The following TDRD9 variants were observed in gnomAD, a reference collection of about 807,000 sequenced individuals.
The protein encoded by TDRD9 is ATP-dependent RNA helicase TDRD9.
In TDRD9, 124 loss-of-function variants were observed where a neutral mutation model predicts 172.6. The observed-to-expected ratio is 0.72, with a 90% CI of 0.62 to 0.83. The LOEUF (loss-of-function observed/expected upper bound fraction) is 0.83. Among genes scored for constraint, TDRD9 ranks in the 40% least tolerant of loss-of-function variants. The pLI, the probability that TDRD9 is intolerant of heterozygous loss-of-function variation, is 0.00. For missense variants in TDRD9, 1,479 were observed against 1,714.1 expected, an observed-to-expected ratio of 0.86 and a Z score of 2.42; for synonymous variants, 619 against 617.1, an observed-to-expected ratio of 1.00 and a Z score of -0.05.
At chr14:103,952,218 ATATTTTT>A (rs2031951946) in intron 1 of TDRD9, among the ~76,000 whole-genome samples, 6 of 44,094 alleles carry the variant, frequency 1.4e-4, no homozygotes, top group Admixed American at 3.6e-4. Flanking sequence ...ATATATATAT[ATATTTTT>A]TTTTTTTTTT....
intron 29 of TDRD9, 117 bp from the exon 30 acceptor site, chr14:104,031,900 A>T: frequency 1.5e-6 from 1 of 682,118 alleles, no homozygotes; most frequent in Non-Finnish European, 2.4e-6. Context: ...TAAAGACATT[A>T]TGAATGAGAT....
intron 1 of TDRD9, among the ~76,000 whole-genome samples, chr14:103,948,770 C>G (rs1435472571): frequency 6.6e-6 from 1 of 151,228 alleles, no homozygotes; most frequent in African/African-American, 2.4e-5. Flanking sequence ...ACTTAGGAGG[C>G]TGAGATGGGA....
At chr14:103,941,258 A>G in intron 1 of TDRD9, 1 of 945,082 alleles carries the variant, frequency 1.1e-6, no homozygotes, top group Non-Finnish European at 1.5e-6. Context: ...AGAAATTTTA[A>G]ATGTAATTTA....
At chr14:103,999,642 G>GTCATTTAATCTTTTCATCTTCCT (rs2034185928) in intron 13 of TDRD9, among the ~76,000 whole-genome samples, 1 of 125,956 alleles carries the variant, frequency 7.9e-6, no homozygotes, top group Non-Finnish European at 1.7e-5. Context: ...TTGTTTTTTA[G>GTCATTTAATCTTTTCATCTTCCT]AAAACCTTTT....
chr14:104,025,956 T>C (rs2035103617), intron 26 of TDRD9, 91 bp from the exon 27 acceptor site: 14 of 1,011,286 alleles, frequency 1.4e-5, no homozygotes, highest in South Asian at 4.4e-5. Context: ...TCTATAATTA[T>C]AGGATTAGAG....
chr14:103,984,537 A>G (rs2033594890), intron 7 of TDRD9, among the ~76,000 whole-genome samples: 1 of 152,226 alleles, frequency 6.6e-6, no homozygotes, highest in African/African-American at 2.4e-5. Context: ...CTGTGGGTGC[A>G]CAGAAGTCAA....
In TDRD9 at chr14:104,005,525, A is replaced by G. The variant is rs2034409196; in HGVS notation, c.1713+120A>G. 3 of 1,038,240 alleles carry G rather than the reference A, an allele frequency of 2.9e-6. No homozygotes were observed. The African/African-American group carries it at 4.8e-5, about 17-fold the overall frequency. 64.3% of individuals were successfully genotyped at this position (1,038,240 alleles called of 1,614,324 possible). A position where few individuals can be genotyped will look rare whatever the true frequency, so the allele number is the denominator to read the frequency against. Reference sequence around the variant, plus strand: ...ATCCTCCCGCCTCACTTTCCCGCTAACTCTGTTCCTCCTGCCTCACTTTCC... The same window carrying G: ...ATCCTCCCGCCTCACTTTCCCGCTAGCTCTGTTCCTCCTGCCTCACTTTCC... On this transcript the variant is annotated intron_variant, in intron 15 of 35. Coordinates refer to ENST00000409874, the MANE Select transcript of TDRD9 (RefSeq NM_153046.3).
At chr14:103,940,038 A>G (rs2031120758) in intron 1 of TDRD9, 1 of 152,236 alleles carries the variant, frequency 6.6e-6, no homozygotes, top group Non-Finnish European at 1.5e-5. Context: ...ACTTTATAAA[A>G]AAAATCTGAC....
At chr14:103,990,080 G>A (rs1049574469) in intron 8 of TDRD9, among the ~76,000 whole-genome samples, 2 of 152,166 alleles carry the variant, frequency 1.3e-5, no homozygotes, top group Admixed American at 6.5e-5. Context: ...CCAGATGGAC[G>A]GCCTCACCTC....
In TDRD9 at chr14:103,977,630, C is replaced by CTT. The variant is rs766681794; in HGVS notation, c.1011+2093_1011+2094dup. Among the ~76,000 whole-genome samples the CTT allele has an allele frequency of 1.3e-3, 145 of 114,394 alleles. 1 individual carries two copies. The highest frequency in any genetic ancestry group is 4.9e-3 in the Middle Eastern group (1 of 206). 75.0% of individuals were successfully genotyped at this position (114,394 alleles called of 152,430 possible). A position where few individuals can be genotyped will look rare whatever the true frequency, so the allele number is the denominator to read the frequency against. ...CCCCATTCACTCAGTTGATTTCTTT[C>CTT]TTTTTTTTTTTTTTTTTGCTATGCA... On this transcript the variant is annotated intron_variant, in intron 7 of 35. Coordinates refer to ENST00000409874, the MANE Select transcript of TDRD9 (RefSeq NM_153046.3).
intron 13 of TDRD9, among the ~76,000 whole-genome samples, chr14:104,002,317 CAAAAAAAA>C (rs200021451): frequency 7.8e-6 from 1 of 128,742 alleles, no homozygotes; most frequent in Admixed American, 8.1e-5. Flanking sequence ...GATGCTGTTT[CAAAAAAAA>C]AAAAAAAAAA....
At chr14:103,968,079 A>G (rs984837078) in intron 5 of TDRD9, among the ~76,000 whole-genome samples, 1 of 152,212 alleles carries the variant, frequency 6.6e-6, no homozygotes, top group Non-Finnish European at 1.5e-5. Flanking sequence ...TTCTCTGCCT[A>G]CGTGGCCTTT....
chr14:104,015,157 C>T (rs1289699027), intron 21 of TDRD9, among the ~76,000 whole-genome samples: 1 of 152,008 alleles, frequency 6.6e-6, no homozygotes, highest in Non-Finnish European at 1.5e-5. Context: ...AGGAGAGATC[C>T]TTTTGTTTTA....
chr14:103,941,323 A>G, intron 1 of TDRD9: 1 of 1,125,958 alleles, frequency 8.9e-7, no homozygotes, highest in Non-Finnish European at 1.2e-6. Context: ...GATAGAATAC[A>G]GTTTCTAGTC....
chr14:104,028,316 A>G (rs115901251), intron 28 of TDRD9, among the ~76,000 whole-genome samples: 2,476 of 152,256 alleles, frequency 0.016, 68 homozygotes, highest in African/African-American at 0.057. Flanking sequence ...CCAACAGTGT[A>G]TAAGAGTTCC....
chr14:103,934,290 G>A (rs1353044013), intron 1 of TDRD9, among the ~76,000 whole-genome samples: 2 of 152,194 alleles, frequency 1.3e-5, no homozygotes, highest in Non-Finnish European at 2.9e-5. Context: ...TGGGATTATA[G>A]GAATGAGCCA....
intron 13 of TDRD9, among the ~76,000 whole-genome samples, chr14:103,999,477 G>A (rs2034177678): frequency 6.6e-6 from 1 of 152,124 alleles, no homozygotes; most frequent in Non-Finnish European, 1.5e-5. Flanking sequence ...CAGAGATGAG[G>A]GTGTGTGGGG....
intron 2 of TDRD9, among the ~76,000 whole-genome samples, chr14:103,957,886 G>A (rs1243712391): frequency 1.3e-5 from 2 of 152,226 alleles, no homozygotes; most frequent in Non-Finnish European, 2.9e-5. Flanking sequence ...CGAAGTGTCT[G>A]TTCTCATACT....
rs905649763 is a variant in TDRD9 at position 103,930,312 on chromosome 14, C to T, written c.215+1588C>T. Among the ~76,000 whole-genome samples, 4 of 152,148 alleles carry T rather than the reference C, an allele frequency of 2.6e-5. No homozygotes were observed. In the East Asian group the frequency reaches 7.7e-4, roughly 29 times the overall value. On this transcript the variant is annotated intron_variant, in intron 1 of 35. Transcript: ENST00000409874. ...AAGCGATTCTCCTGCCTTGGCCTCCCGAGTAGCTGGGATTACTGGCGTGTG... is the reference window on the plus strand; with the variant it reads ...AAGCGATTCTCCTGCCTTGGCCTCCTGAGTAGCTGGGATTACTGGCGTGTG...
Sources: gnomAD v4.1 joint callset for allele counts (sites outside exome capture counted in the v4.1 genomes callset) on GRCh38, gnomAD v4.1.1 for gene constraint, MANE v1.5 for transcripts, NCBI Gene and HGNC (gene_info 2026-07-23, HGNC 2026-07-21) for gene names.